RPTOR: variants seen among roughly 807,000 people sequenced by gnomAD.
RPTOR encodes regulatory associated protein of MTOR complex 1.
In RPTOR, 21 loss-of-function variants were observed where a neutral mutation model predicts 169.9. The ratio of observed to expected loss-of-function variants is 0.12; its 90% CI spans 0.09 to 0.18. The LOEUF (loss-of-function observed/expected upper bound fraction) is 0.18, where lower values mean the gene tolerates loss of function less well. RPTOR is among the 10% of genes least tolerant of loss of function. The pLI, the probability that RPTOR is intolerant of heterozygous loss-of-function variation, is 1.00. For synonymous variants in RPTOR, 732 were observed against 753.2 expected (o/e 0.97, Z 0.46); for missense variants, 1,133 against 1,855.9 (o/e 0.61, Z 7.16).
chr17:80,964,194 C>CG, intron 33 of RPTOR, 68 bp from the exon 34 acceptor site: 21 of 1,106,328 alleles, frequency 1.9e-5, no homozygotes, highest in Non-Finnish European at 2.7e-5. Flanking sequence ...GGTTGGCCTG[C>CG]GCCCCCCCGC....
At chr17:80,896,329 T>C (rs376599385) in intron 20 of RPTOR, among the ~76,000 whole-genome samples, 6 of 63,528 alleles carry the variant, frequency 9.4e-5, no homozygotes, top group Admixed American at 5.6e-4. Flanking sequence ...GCAGCACCCA[T>C]CCCATCCACG....
intron 6 of RPTOR, among the ~76,000 whole-genome samples, chr17:80,767,338 T>C (rs2066798153): frequency 6.6e-6 from 1 of 152,156 alleles, no homozygotes; most frequent in Non-Finnish European, 1.5e-5. Context: ...GTCACTGTGG[T>C]CCAGCATAGA....
At chr17:80,784,870 G>A (rs2066976579) in intron 6 of RPTOR, among the ~76,000 whole-genome samples, 1 of 151,832 alleles carries the variant, frequency 6.6e-6, no homozygotes, top group African/African-American at 2.4e-5. Context: ...GGCTAATGCT[G>A]GTTTTTTTTG....
chr17:80,630,465 A>AGTAT (rs1325380830), intron 2 of RPTOR, among the ~76,000 whole-genome samples: 3 of 152,200 alleles, frequency 2.0e-5, no homozygotes, highest in South Asian at 2.1e-4. Context: ...TGTGTGTATA[A>AGTAT]GTATGTATGT....
intron 7 of RPTOR, among the ~76,000 whole-genome samples, chr17:80,792,772 G>A (rs2067062176): frequency 6.6e-6 from 1 of 152,144 alleles, no homozygotes; most frequent in Admixed American, 6.5e-5. Flanking sequence ...TTGCGAAGCT[G>A]TTCTTGAGAT....
chr17:80,726,276 C>T lies in RPTOR; in HGVS notation c.508-4284C>T, dbSNP rs141932792. 4.6e-5 allele frequency among the ~76,000 whole-genome samples: 7 copies of T among 152,294 alleles called. No homozygotes were observed. The highest frequency in any genetic ancestry group is 1.0e-4 in the Non-Finnish European group (7 of 68,028). Reference sequence around the variant, plus strand: ...ACTGGGGCCATCCATGGCCCTGTGCCGTGCTGCCTCCTGGACGCACGCTAG... The same window carrying T: ...ACTGGGGCCATCCATGGCCCTGTGCTGTGCTGCCTCCTGGACGCACGCTAG... On this transcript the variant is annotated intron_variant, in intron 4 of 33. Coordinates refer to ENST00000306801, the MANE Select transcript of RPTOR (RefSeq NM_020761.3). This position sits in a 1 kb window ranked among gnomAD's most constrained non-coding sequence, Gnocchi z 4.5.
At chr17:80,771,905 G>A (rs1050637547) in intron 6 of RPTOR, among the ~76,000 whole-genome samples, 3 of 152,154 alleles carry the variant, frequency 2.0e-5, no homozygotes, top group Non-Finnish European at 2.9e-5. Flanking sequence ...CTGCAGCCTC[G>A]ACCTCCTAGG....
At chr17:80,840,968 G>C (rs1440330529) in intron 10 of RPTOR, among the ~76,000 whole-genome samples, 15 of 31,624 alleles carry the variant, frequency 4.7e-4, no homozygotes, top group African/African-American at 4.5e-3. Context: ...CTCACCGCAC[G>C]GCAGCTCACA....
At chr17:80,931,499 T>C (rs183941113) in intron 24 of RPTOR, among the ~76,000 whole-genome samples, 152 of 152,276 alleles carry the variant, frequency 1.0e-3, no homozygotes, top group African/African-American at 3.2e-3. Flanking sequence ...ACCCAGAAGA[T>C]TGAGGTGGGA....
chr17:80,547,162 A>G (rs140979951), intron 1 of RPTOR, among the ~76,000 whole-genome samples: 36 of 152,366 alleles, frequency 2.4e-4, no homozygotes, highest in Admixed American at 4.6e-4. Context: ...CTAAAAGGTT[A>G]GGAAAATTTG....
At position 80,945,848 on chromosome 17, in the gene RPTOR, C is replaced by G. The variant is rs1260342035; in HGVS notation, c.3140+67C>G. 3 of 885,046 alleles carry G rather than the reference C, an allele frequency of 3.4e-6. No homozygotes were observed. In the Admixed American group the frequency reaches 9.0e-5, roughly 27 times the overall value. The allele number at this position is 885,046 out of a possible 1,614,324, so 54.8% of individuals were successfully genotyped here. On this transcript the variant is annotated intron_variant, in intron 26 of 33. Transcript: ENST00000306801. ...CAGCCCCAGCGATGCCCTGTTCTCCCCCGATCACCACTCCTCTTCCTTGAA... is the reference window on the plus strand; with the variant it reads ...CAGCCCCAGCGATGCCCTGTTCTCCGCCGATCACCACTCCTCTTCCTTGAA...
At chr17:80,702,313 T>C (rs1335454529) in intron 3 of RPTOR, among the ~76,000 whole-genome samples, 1 of 152,208 alleles carries the variant, frequency 6.6e-6, no homozygotes, top group Admixed American at 6.5e-5. Context: ...CCAAAACTCC[T>C]GTGCATATAT....
intron 3 of RPTOR, among the ~76,000 whole-genome samples, chr17:80,693,637 C>T (rs1422282068): frequency 6.6e-6 from 1 of 152,220 alleles, no homozygotes; most frequent in Non-Finnish European, 1.5e-5. Context: ...CCTTTGGGTT[C>T]GGTGTACGCA....
chr17:80,560,578 AGTGGGGTGGAAGGTTC>A (rs2084470173), intron 1 of RPTOR, among the ~76,000 whole-genome samples: 3 of 151,786 alleles, frequency 2.0e-5, no homozygotes, highest in African/African-American at 7.3e-5. Flanking sequence ...AATGGAAGGG[AGTGGGGTGGAAGGTTC>A]AGCTGGAGGA....
intron 7 of RPTOR, among the ~76,000 whole-genome samples, chr17:80,807,797 A>G (rs897277882): frequency 6.6e-6 from 1 of 151,462 alleles, no homozygotes; most frequent in Non-Finnish European, 1.5e-5. Flanking sequence ...TGTTTTTTCC[A>G]TTAACTGCCA....
At chr17:80,799,022 T>C (rs1297213820) in intron 7 of RPTOR, among the ~76,000 whole-genome samples, 2 of 152,168 alleles carry the variant, frequency 1.3e-5, no homozygotes, top group Non-Finnish European at 2.9e-5. Context: ...ATGACCTCCC[T>C]GGGGAAGCGT....
chr17:80,914,041 G>C (rs370597986), intron 21 of RPTOR, among the ~76,000 whole-genome samples: 1 of 152,246 alleles, frequency 6.6e-6, no homozygotes, highest in Non-Finnish European at 1.5e-5. Context: ...GTGCATGTGC[G>C]CTGGCCGCTG....
At chr17:80,920,443 G>A (rs1166949480) in intron 21 of RPTOR, among the ~76,000 whole-genome samples, 2 of 152,228 alleles carry the variant, frequency 1.3e-5, no homozygotes, top group Admixed American at 1.3e-4. Flanking sequence ...TGTGACAGCA[G>A]CCCCAGGTAC....
chr17:80,930,446 C>G (rs1598408151), intron 24 of RPTOR, among the ~76,000 whole-genome samples: 3 of 75,320 alleles, frequency 4.0e-5, no homozygotes, highest in African/African-American at 8.6e-5. Context: ...CCCAGCTCAT[C>G]CTCAGCTCAT....
Sources: gnomAD v4.1 joint callset for allele counts (sites outside exome capture counted in the v4.1 genomes callset) on GRCh38, gnomAD v4.1.1 for gene constraint, Gnocchi (gnomAD v3.1) non-coding constraint, MANE v1.5 for transcripts, NCBI Gene and HGNC (gene_info 2026-07-23, HGNC 2026-07-21) for gene names.